EPHA3: variants seen among roughly 807,000 people sequenced by gnomAD.
EPHA3 encodes the protein ephrin type-A receptor 3.
A neutral mutation model predicts 107.1 loss-of-function variants in EPHA3; 42 were observed. That is an observed-to-expected ratio of 0.39 (90% CI 0.31 to 0.51). EPHA3 has a LOEUF of 0.51. Among genes scored for constraint, EPHA3 ranks in the 20% least tolerant of loss-of-function variants. The pLI, the probability that EPHA3 is intolerant of heterozygous loss-of-function variation, is 0.78. For synonymous variants in EPHA3, 461 were observed against 424.8 expected, an observed-to-expected ratio of 1.09 and a Z score of -1.05; for missense variants, 1,183 against 1,211.2, an observed-to-expected ratio of 0.98 and a Z score of 0.35.
intron 3 of EPHA3, among the ~76,000 whole-genome samples, chr3:89,237,806 A>C (rs1214595134): frequency 1.3e-5 from 2 of 152,064 alleles, no homozygotes; most frequent in African/African-American, 4.8e-5. Flanking sequence ...TCTCTACAAA[A>C]AATAAAACAA....
At chr3:89,442,077 T>C (rs563375999) in intron 13 of EPHA3, among the ~76,000 whole-genome samples, 172 of 152,186 alleles carry the variant, frequency 1.1e-3, no homozygotes, top group African/African-American at 3.9e-3. Context: ...AAATTGATGC[T>C]TAATTTATAA....
chr3:89,163,600 G>A (rs1704996274), intron 2 of EPHA3, among the ~76,000 whole-genome samples: 1 of 152,056 alleles, frequency 6.6e-6, no homozygotes, highest in South Asian at 2.1e-4. Flanking sequence ...TGAAATGTGG[G>A]AATGAAACTT....
chr3:89,315,454 G>A (rs564830083), intron 3 of EPHA3, among the ~76,000 whole-genome samples: 6 of 151,638 alleles, frequency 4.0e-5, no homozygotes, highest in Non-Finnish European at 1.5e-5. Context: ...AGCTCTTTTT[G>A]TCCTGTGGAT....
chr3:89,449,292 G>A lies in EPHA3; in HGVS notation c.2414G>A (p.Ser805Asn), dbSNP rs765969815. Reference protein sequence around the residue: ...AIAYRKFTSASDVWSYGIVLW... With the variant: ...AIAYRKFTSANDVWSYGIVLW... Reference sequence around the variant, plus strand: ...GCCTACCGCAAGTTCACGTCAGCCAGCGATGTATGGAGTTATGGGATTGTT... The same window carrying A: ...GCCTACCGCAAGTTCACGTCAGCCAACGATGTATGGAGTTATGGGATTGTT... The change falls in exon 14 of 17, where the codon AGC becomes AAC. Residue 805 changes from serine (S) to asparagine (N), a missense_variant. Transcript: ENST00000336596. The A allele has an allele frequency of 1.2e-6, 2 of 1,612,964 alleles. No individual in the cohort carries two copies. Among genetic ancestry groups the A allele is most frequent in the South Asian group, 2.2e-5 (2 of 90,932 alleles).
At chr3:89,262,759 TTCGGTGCCTGC>T (rs1202486915) in intron 3 of EPHA3, among the ~76,000 whole-genome samples, 1 of 151,964 alleles carries the variant, frequency 6.6e-6, no homozygotes, top group Non-Finnish European at 1.5e-5. Context: ...GGCTGGCTGT[TTCGGTGCCTGC>T]AGGATCAAAC....
At chr3:89,125,064 G>A (rs1259613347) in intron 1 of EPHA3, among the ~76,000 whole-genome samples, 5 of 151,752 alleles carry the variant, frequency 3.3e-5, no homozygotes, top group South Asian at 2.1e-4. Context: ...ACTAAATGGA[G>A]TCTATGTAAT....
At chr3:89,182,870 T>C (rs1301755556) in intron 2 of EPHA3, among the ~76,000 whole-genome samples, 2 of 151,932 alleles carry the variant, frequency 1.3e-5, no homozygotes, top group African/African-American at 4.8e-5. Flanking sequence ...TATTCATTAC[T>C]GGTTTTCAGA....
intron 5 of EPHA3, among the ~76,000 whole-genome samples, chr3:89,375,208 G>C (rs1322733890): frequency 6.6e-6 from 1 of 151,632 alleles, no homozygotes; most frequent in Non-Finnish European, 1.5e-5. Context: ...GACTTAAACT[G>C]TTAAAGTGTC....
At chr3:89,429,058 A>G (rs1709510268) in intron 11 of EPHA3, 48 bp from the exon 12 acceptor site, 3 of 1,315,064 alleles carry the variant, frequency 2.3e-6, no homozygotes, top group African/African-American at 1.5e-5. Context: ...TTCATTGTAT[A>G]ATACTTGAAC....
chr3:89,345,986 A>G (rs1383255681), intron 5 of EPHA3, among the ~76,000 whole-genome samples: 1 of 146,644 alleles, frequency 6.8e-6, no homozygotes, highest in African/African-American at 2.5e-5. Context: ...CATGGTGTAT[A>G]TGTGCCACAT....
Position 89,120,279 on chromosome 3 carries a change from G to A in EPHA3, c.89-6930G>A, listed in dbSNP as rs145471529. ...AAAGCAAAACTGTGAAAAATAAAAT[G>A]CTGTTTACATAATAATGTCCTGGTT... On this transcript the variant is annotated intron_variant, in intron 1 of 16. Transcript: ENST00000336596. Among the ~76,000 whole-genome samples the A allele has an allele frequency of 4.4e-3, 677 of 152,280 alleles. 11 individuals carry two copies. The highest frequency in any genetic ancestry group is 0.015 in the African/African-American group (639 of 41,566).
At chr3:89,117,596 T>C (rs974970243) in intron 1 of EPHA3, among the ~76,000 whole-genome samples, 2 of 152,126 alleles carry the variant, frequency 1.3e-5, no homozygotes, top group Non-Finnish European at 2.9e-5. Flanking sequence ...TTTGCAGCAC[T>C]GTGTGGTGTG....
intron 10 of EPHA3, among the ~76,000 whole-genome samples, chr3:89,414,462 T>C (rs1709210619): frequency 6.6e-6 from 1 of 151,674 alleles, no homozygotes; most frequent in Non-Finnish European, 1.5e-5. Context: ...AAAACAGATA[T>C]ATATTGTTTA....
chr3:89,349,735 G>T lies in EPHA3; in HGVS notation c.1306+7645G>T, dbSNP rs879732760. Among the ~76,000 whole-genome samples, 794 of 150,436 alleles carry T rather than the reference G, an allele frequency of 5.3e-3. 10 individuals carry two copies. Among genetic ancestry groups the T allele is most frequent in the Middle Eastern group, 0.014 (4 of 292 alleles). On this transcript the variant is annotated intron_variant, in intron 5 of 16. Coordinates refer to ENST00000336596, the MANE Select transcript of EPHA3 (RefSeq NM_005233.6). The stretch of plus-strand genomic sequence containing the variant: ...CTCGATGGTCTTTACATTTTGGCAT[G>T]ATTTTGCAGCAGCTGGTACCAGTTG...
chr3:89,151,192 T>C (rs550747207), intron 2 of EPHA3, among the ~76,000 whole-genome samples: 1 of 152,184 alleles, frequency 6.6e-6, no homozygotes, highest in African/African-American at 2.4e-5. Flanking sequence ...TCGAAAGCCA[T>C]GTGTGTCTAA....
chr3:89,194,369 A>G (rs1206901441), intron 2 of EPHA3, among the ~76,000 whole-genome samples: 1 of 152,024 alleles, frequency 6.6e-6, no homozygotes, highest in Non-Finnish European at 1.5e-5. Context: ...TGACTTTACA[A>G]TTAGTCCCTT....
chr3:89,407,460 A>G, intron 8 of EPHA3, 89 bp downstream of exon 8: 3 of 1,033,628 alleles, frequency 2.9e-6, no homozygotes, highest in South Asian at 1.4e-5. Context: ...AGTGTGCTCA[A>G]TAAAATATTT....
In EPHA3 at chr3:89,449,410, T is replaced by A. The variant is rs772836082; in HGVS notation, c.2496+36T>A. 4.6e-6 allele frequency: 7 copies of A among 1,515,036 alleles called. 1 individual carries two copies. The South Asian group carries it at 9.3e-5, about 20-fold the overall frequency. The allele number at this position is 1,515,036 out of a possible 1,614,324, so 93.8% of individuals were successfully genotyped here. ...GTGGTCTATGAGTTATGAGTTCAGA[T>A]GAAAAGATCAAGCTGTGCAAGGAAG... On this transcript the variant is annotated intron_variant, in intron 14 of 16. Coordinates refer to ENST00000336596, the MANE Select transcript of EPHA3 (RefSeq NM_005233.6).
At chr3:89,123,434 C>T (rs1707435253) in intron 1 of EPHA3, among the ~76,000 whole-genome samples, 1 of 151,970 alleles carries the variant, frequency 6.6e-6, no homozygotes, top group African/African-American at 2.4e-5. Context: ...TGAGCCACCG[C>T]GCCCGCCACT....
Sources: gnomAD v4.1 joint callset for allele counts (sites outside exome capture counted in the v4.1 genomes callset) on GRCh38, gnomAD v4.1.1 for gene constraint, MANE v1.5 for transcripts, NCBI Gene and HGNC (gene_info 2026-07-23, HGNC 2026-07-21) for gene names.